The following SRP72 variants were observed in gnomAD, a reference collection of about 807,000 sequenced individuals.
SRP72 encodes signal recognition particle subunit SRP72.
A neutral mutation model predicts 96.3 loss-of-function variants in SRP72; 49 were observed. The ratio of observed to expected loss-of-function variants is 0.51; its 90% CI spans 0.40 to 0.65. The LOEUF (loss-of-function observed/expected upper bound fraction) is 0.65, where lower values mean the gene tolerates loss of function less well. Ranked by LOEUF, SRP72 falls within the 30% of genes least tolerant of loss-of-function variation. The pLI is 0.00. For synonymous variants in SRP72, 267 were observed against 275.2 expected, an observed-to-expected ratio of 0.97 and a Z score of 0.30; for missense variants, 736 against 793.3, an observed-to-expected ratio of 0.93 and a Z score of 0.87.
rs778759548 is a variant in SRP72 at position 56,501,769 on chromosome 4, A to T, written c.1924A>T (p.Ile642Leu). 8 of 1,614,164 alleles carry T rather than the reference A, an allele frequency of 5.0e-6. No individual in the cohort carries two copies. Among genetic ancestry groups the T allele is most frequent in the Non-Finnish European group, 6.8e-6 (8 of 1,180,022 alleles). ...ATVSASTSNI[I>L]PPRHQKPAGA... ...AGTATCTGCCTCTACAAGTAACATC[A>T]TACCCCCAAGACACCAGAAACCTGC... is the stretch of plus-strand genomic sequence containing the variant. The change falls in exon 19 of 19, where the codon ATA (isoleucine) becomes TTA (leucine). Residue 642 changes from isoleucine (I) to leucine (L), a missense_variant. Physicochemically the swap from Ile to Leu is conservative, Grantham distance 5. Around this residue, in one of 3 missense-constraint regions of SRP72, gnomAD observed 388 missense variants for 431.8 expected, o/e 0.90. Transcript: ENST00000642900.
intron 6 of SRP72, among the ~76,000 whole-genome samples, chr4:56,477,601 T>C (rs1193289563): frequency 6.6e-6 from 1 of 152,118 alleles, no homozygotes; most frequent in Non-Finnish European, 1.5e-5. Context: ...CCCATAGTTC[T>C]TCTCTTTAAT....
intron 12 of SRP72, chr4:56,489,054 A>T (rs1425554505): frequency 5.6e-6 from 1 of 179,070 alleles, no homozygotes; most frequent in Non-Finnish European, 1.2e-5. Context: ...TGCCTCACTG[A>T]TCATACACTT....
chr4:56,472,431 T>C (rs1488102048), intron 3 of SRP72, among the ~76,000 whole-genome samples: 1 of 151,004 alleles, frequency 6.6e-6, no homozygotes, highest in African/African-American at 2.4e-5. Flanking sequence ...CTGCAGCCTC[T>C]GACTCCCAGG....
chr4:56,476,749 T>C (rs1373380123), intron 6 of SRP72, 47 bp downstream of exon 6: 11 of 1,580,854 alleles, frequency 7.0e-6, no homozygotes, highest in East Asian at 2.2e-5. Context: ...CTTCTGACTA[T>C]GATAGATTAC....
At chr4:56,473,610 A>T (rs971102876) in intron 3 of SRP72, among the ~76,000 whole-genome samples, 3 of 151,668 alleles carry the variant, frequency 2.0e-5, no homozygotes, top group Non-Finnish European at 4.4e-5. Context: ...TACTAAAAAT[A>T]CAAAATTAGC....
chr4:56,475,800 T>TC (rs1217191571), intron 5 of SRP72: 1 of 152,160 alleles, frequency 6.6e-6, no homozygotes, highest in Non-Finnish European at 1.5e-5. Context: ...TACCCTTTGA[T>TC]CCAATAATTT....
chr4:56,499,743 AG>A (rs1333844934), intron 17 of SRP72, among the ~76,000 whole-genome samples: 1 of 152,256 alleles, frequency 6.6e-6, no homozygotes, highest in Non-Finnish European at 1.5e-5. Context: ...GTGGAGAAAT[AG>A]GAACACTTTA....
rs1720118345 is a variant in SRP72 at position 56,474,319 on chromosome 4, T to C, written c.538T>C (p.Tyr180His). 3.7e-6 allele frequency: 6 copies of C among 1,614,180 alleles called. No homozygotes were observed. The highest frequency in any genetic ancestry group is 5.1e-6 in the Non-Finnish European group (6 of 1,180,040). The change falls in exon 5 of 19, where the codon TAC (tyrosine) becomes CAC (histidine). Residue 180 changes from tyrosine (Y) to histidine (H), a missense_variant. Transcript: ENST00000642900. ...GLQEGTHELC[Y>H]NTACALIGQG... ...CCAAGAAGGCACACATGAGCTGTGC[T>C]ACAACACTGCATGTGCACTGATAGG... is the stretch of plus-strand genomic sequence containing the variant.
chr4:56,468,137 C>T (rs550948959), intron 1 of SRP72, among the ~76,000 whole-genome samples: 1 of 152,276 alleles, frequency 6.6e-6, no homozygotes, highest in Non-Finnish European at 1.5e-5. Flanking sequence ...GATCAGGACT[C>T]TATTGCTGAG....
At position 56,500,680 on chromosome 4, in the gene SRP72, G is replaced by T; in HGVS notation, c.1823G>T (p.Gly608Val). 6.2e-7 allele frequency: 1 copy of T among 1,613,676 alleles called. No homozygotes were observed. Among genetic ancestry groups the T allele is most frequent in the South Asian group, 1.1e-5 (1 of 91,008 alleles). Residue 608 changes from glycine (G) to valine (V), a missense_variant, in exon 18 of 19, where the codon GGA becomes GTA. This residue lies in a region of SRP72 where 388 missense variants were observed against 431.8 expected (regional missense o/e 0.90). Coordinates refer to ENST00000642900, the MANE Select transcript of SRP72 (RefSeq NM_006947.4). ...AAAGGGACCCAGGGAGCAACTGCAGGAGCTTCATCTGAACTGTAAGTTATT... is the reference window on the plus strand; with the variant it reads ...AAAGGGACCCAGGGAGCAACTGCAGTAGCTTCATCTGAACTGTAAGTTATT... ...IGKGTQGATA[G>V]ASSELDASKT...
chr4:56,479,265 C>T (rs1441201431), intron 8 of SRP72, among the ~76,000 whole-genome samples: 2 of 152,168 alleles, frequency 1.3e-5, no homozygotes, highest in South Asian at 4.1e-4. Context: ...CTGCAACCTC[C>T]GCCTCCCGCG....
intron 12 of SRP72, among the ~76,000 whole-genome samples, chr4:56,488,902 A>G (rs1720812707): frequency 6.6e-6 from 1 of 151,740 alleles, no homozygotes. Context: ...CTCATCTCCT[A>G]CTGCTCAGCA....
chr4:56,489,464 A>C lies in SRP72; in HGVS notation c.1301A>C (p.Gln434Pro). The part of the protein sequence containing the change: ...SAIEVFTQAI[Q>P]WYQNHQPKSP... ...ATTGAGGTCTTCACACAAGCTATCCAGTGGTATCAAAACCATCAGGTAAAT... is the reference window on the plus strand; with the variant it reads ...ATTGAGGTCTTCACACAAGCTATCCCGTGGTATCAAAACCATCAGGTAAAT... Residue 434 changes from glutamine to proline, a missense_variant, in exon 13 of 19, where the codon CAG becomes CCG. By Grantham distance (76) the Gln-to-Pro change is moderately conservative. Around this residue, in one of 3 missense-constraint regions of SRP72, gnomAD observed 388 missense variants for 431.8 expected, o/e 0.90. Transcript: ENST00000642900. The C allele has an allele frequency of 6.3e-7, 1 of 1,591,036 alleles. No individual in the cohort carries two copies. Among genetic ancestry groups the C allele is most frequent in the Non-Finnish European group, 8.6e-7 (1 of 1,163,392 alleles).
intron 15 of SRP72, 58 bp downstream of exon 15, chr4:56,490,703 A>C: frequency 1.4e-6 from 2 of 1,428,230 alleles, no homozygotes; most frequent in Non-Finnish European, 1.9e-6. Flanking sequence ...ATCTCTTCTG[A>C]TATCTGTGTT....
Position 56,467,707 on chromosome 4 carries a change from C to G in SRP72, c.72C>G (p.Asn24Lys). 1 of 1,552,660 alleles carries G rather than the reference C, an allele frequency of 6.4e-7. No individual in the cohort carries two copies. The highest frequency in any genetic ancestry group is 8.7e-7 in the Non-Finnish European group (1 of 1,152,454). Residue 24 changes from asparagine (N) to lysine (K), a missense_variant, in exon 1 of 19, where the codon AAC becomes AAG. Around this residue, in one of 3 missense-constraint regions of SRP72, gnomAD observed 329 missense variants for 319.0 expected, o/e 1.03. Coordinates refer to ENST00000642900, the MANE Select transcript of SRP72 (RefSeq NM_006947.4). Reference protein sequence around the residue: ...LWSEVNRYGQNGDFTRALKTV... With the variant: ...LWSEVNRYGQKGDFTRALKTV... ...GTGAAGTGAACCGGTATGGCCAGAACGGCGACTTCACGCGCGCTCTCAAGA... is the reference window on the plus strand; with the variant it reads ...GTGAAGTGAACCGGTATGGCCAGAAGGGCGACTTCACGCGCGCTCTCAAGA...
rs1293033662 is a variant in SRP72 at position 56,503,611 on chromosome 4, A to G, written c.*1750A>G. The G allele has an allele frequency of 6.6e-6, 1 of 152,244 alleles. No homozygotes were observed. Among genetic ancestry groups the G allele is most frequent in the Non-Finnish European group, 1.5e-5 (1 of 68,040 alleles). The allele number at this position is 152,244 out of a possible 1,614,324, so 9.4% of individuals were successfully genotyped here. On this transcript the variant is annotated 3_prime_UTR_variant, in exon 19 of 19. Coordinates refer to ENST00000642900, the MANE Select transcript of SRP72 (RefSeq NM_006947.4). ...TATGGATGTGTATGTGTACATTTAT[A>G]AGAACCAGTATGGATACATCCATTC...
rs1487682486 is a variant in SRP72 at position 56,503,364 on chromosome 4, T to C, written c.*1503T>C. 1 of 152,216 alleles carries C rather than the reference T, an allele frequency of 6.6e-6. No individual in the cohort carries two copies. Among genetic ancestry groups the C allele is most frequent in the Admixed American group, 6.5e-5 (1 of 15,270 alleles). 9.4% of individuals were successfully genotyped at this position (152,216 alleles called of 1,614,324 possible). The stretch of plus-strand genomic sequence containing the variant: ...CTGTTACTTATTTAGGATTCCATCA[T>C]TGAAAATTTTGACCCAAGGCACAGC... On this transcript the variant is annotated 3_prime_UTR_variant, in exon 19 of 19. Coordinates refer to ENST00000642900, the MANE Select transcript of SRP72 (RefSeq NM_006947.4).
intron 16 of SRP72, among the ~76,000 whole-genome samples, chr4:56,494,802 A>G (rs1203435089): frequency 2.0e-5 from 3 of 152,130 alleles, no homozygotes; most frequent in East Asian, 1.9e-4. Context: ...TTACTTACAT[A>G]AAAAAATTAA....
At chr4:56,500,456 C>A in intron 17 of SRP72, 80 bp from the exon 18 acceptor site, 2 of 1,329,396 alleles carry the variant, frequency 1.5e-6, no homozygotes, top group Admixed American at 2.3e-5. Flanking sequence ...TATTTATTCC[C>A]AGGCTTAGAG....
Sources: gnomAD v4.1 joint callset for allele counts (sites outside exome capture counted in the v4.1 genomes callset) on GRCh38, gnomAD v4.1.1 for gene constraint, gnomAD v4.1.1 regional missense constraint, MANE v1.5 for transcripts, NCBI Gene and HGNC (gene_info 2026-07-23, HGNC 2026-07-21) for gene names.